Variants in PTPN3 observed in about 807,000 individuals in gnomAD.
PTPN3 encodes protein tyrosine phosphatase non-receptor type 3.
PTPN3 carries 96 observed loss-of-function variants against 132.7 expected under a neutral mutation model. The observed-to-expected ratio is 0.72, with a 90% confidence interval of 0.61 to 0.86. The LOEUF (loss-of-function observed/expected upper bound fraction) is 0.86. Among genes scored for constraint, PTPN3 ranks in the 40% least tolerant of loss-of-function variants. PTPN3 has a pLI of 0.00. For missense variants in PTPN3, 1,125 were observed against 1,159.6 expected (o/e 0.97, Z 0.43); for synonymous variants, 398 against 429.0 (o/e 0.93, Z 0.89).
chr9:109,535,269 C>G, the PTPN3 span, among the ~76,000 whole-genome samples: 10 of 152,200 alleles, frequency 6.6e-5, no homozygotes, highest in Non-Finnish European at 1.3e-4. Context: ...TGATCATTCA[C>G]TGGCCGGCAG....
rs116100943 is a variant in PTPN3, at chr9:109,482,171, C to G, written c.-18+16048G>C. 6.1e-3 allele frequency among the ~76,000 whole-genome samples: 929 copies of G among 152,326 alleles called. 11 individuals carry two copies. Among genetic ancestry groups the G allele is most frequent in the African/African-American group, 0.021 (873 of 41,568 alleles). ...ATACCATTCCAATGGGGCTGGAAGGCAGTCTGACTAAGTAATTCCATTTCT... is the reference window on the plus strand; with the variant it reads ...ATACCATTCCAATGGGGCTGGAAGGGAGTCTGACTAAGTAATTCCATTTCT... On this transcript the variant is annotated intron_variant, in intron 1 of 25. Transcript: ENST00000374541.
At chr9:109,407,120 A>G (rs183593703) in intron 17 of PTPN3, among the ~76,000 whole-genome samples, 1 of 152,368 alleles carries the variant, frequency 6.6e-6, no homozygotes, top group Non-Finnish European at 1.5e-5. Context: ...AACAGTAACA[A>G]AAGTTAAATG....
intron 22 of PTPN3, among the ~76,000 whole-genome samples, chr9:109,389,010 G>A (rs958444970): frequency 6.6e-6 from 1 of 152,224 alleles, no homozygotes; most frequent in Non-Finnish European, 1.5e-5. Flanking sequence ...GCTAGGGGAA[G>A]TGCCTTCTGG....
chr9:109,420,433 G>A lies in PTPN3; in HGVS notation c.1304C>T (p.Pro435Leu), dbSNP rs748644877. 30 of 1,592,970 alleles carry A rather than the reference G, an allele frequency of 1.9e-5. No individual in the cohort carries two copies. The highest frequency in any genetic ancestry group is 6.8e-5 in the East Asian group (3 of 44,384). ...SDSEVSQNRSPHQESLSENNP... is the reference protein window; with the variant it reads ...SDSEVSQNRSLHQESLSENNP... ...AACACGAGTTTCTTACTCTTGGTGC[G>A]GGCTTCGGTTCTGAGAAACTTCAGA... The change falls in exon 14 of 26, where the codon CCG (proline) becomes CTG (leucine). Residue 435 changes from proline (P) to leucine (L), a missense_variant. Coordinates refer to ENST00000374541, the MANE Select transcript of PTPN3 (RefSeq NM_002829.4).
intron 7 of PTPN3, among the ~76,000 whole-genome samples, chr9:109,441,631 T>C (rs1244238895): frequency 1.3e-5 from 2 of 152,238 alleles, no homozygotes; most frequent in African/African-American, 4.8e-5. Context: ...GGGAACATTC[T>C]GGAATAAACA....
intron 1 of PTPN3, among the ~76,000 whole-genome samples, chr9:109,497,847 G>A (rs1294659779): frequency 1.3e-5 from 2 of 151,686 alleles, no homozygotes; most frequent in African/African-American, 4.8e-5. Context: ...CCCGAGCCGG[G>A]GTCGCGGCGG....
chr9:109,452,262 G>A (rs578156864), intron 5 of PTPN3, among the ~76,000 whole-genome samples: 35 of 86,708 alleles, frequency 4.0e-4, no homozygotes, highest in East Asian at 1.0e-3. Context: ...AGCGAGCTCC[G>A]TCTCAAAAAA....
rs1296020936 is a variant in PTPN3 at position 109,389,308 on chromosome 9, T to C, written c.2178A>G (p.Ala726=). The change falls in exon 22 of 26, where the codon GCA becomes GCG. Residue 726 remains alanine, a synonymous_variant. Coordinates refer to ENST00000374541, the MANE Select transcript of PTPN3 (RefSeq NM_002829.4). ...GATCCCAGACAACCTGCCAAAACTGTGCACAGGTATGCGGCAGGGGCCCCT... is the reference window on the plus strand; with the variant it reads ...GATCCCAGACAACCTGCCAAAACTGCGCACAGGTATGCGGCAGGGGCCCCT... ...ATQGPLPHTC[A]QFWQVVWDQK... is the part of the protein sequence containing the mutation. 6.2e-7 allele frequency: 1 copy of C among 1,614,190 alleles called. No individual in the cohort carries two copies. Among genetic ancestry groups the C allele is most frequent in the Non-Finnish European group, 8.5e-7 (1 of 1,180,016 alleles).
chr9:109,450,902 A>C, intron 5 of PTPN3: 1 of 985,422 alleles, frequency 1.0e-6, no homozygotes, highest in African/African-American at 1.7e-5. Flanking sequence ...TACCACCTCT[A>C]TACATCTTCT....
intron 7 of PTPN3, among the ~76,000 whole-genome samples, chr9:109,442,671 C>A (rs1201633844): frequency 6.6e-6 from 1 of 152,248 alleles, no homozygotes; most frequent in Non-Finnish European, 1.5e-5. Flanking sequence ...TCTGGGCAGA[C>A]ATGAAAATAC....
the PTPN3 span, among the ~76,000 whole-genome samples, chr9:109,519,347 T>C: frequency 6.6e-6 from 1 of 152,218 alleles, no homozygotes; most frequent in Non-Finnish European, 1.5e-5. Flanking sequence ...CTAATGTAAG[T>C]GTTTCAAGCA....
chr9:109,435,668 A>G (rs906645937), intron 9 of PTPN3, among the ~76,000 whole-genome samples: 1 of 152,202 alleles, frequency 6.6e-6, no homozygotes, highest in African/African-American at 2.4e-5. Flanking sequence ...CTGGCCTCAC[A>G]GCCCTTGAGG....
chr9:109,422,982 T>C, intron 12 of PTPN3, 130 bp from the exon 13 acceptor site: 1 of 1,160,120 alleles, frequency 8.6e-7, no homozygotes, highest in Non-Finnish European at 1.2e-6. Context: ...TTATGGGGAG[T>C]AGAGGGAGAC....
At chr9:109,405,142 T>C (rs1841457637) in intron 18 of PTPN3, among the ~76,000 whole-genome samples, 1 of 152,208 alleles carries the variant, frequency 6.6e-6, no homozygotes, top group African/African-American at 2.4e-5. Flanking sequence ...ATCTCTTCTG[T>C]GCTTCAGCCT....
intron 23 of PTPN3, chr9:109,383,163 A>G: frequency 1.9e-6 from 1 of 535,416 alleles, no homozygotes; most frequent in South Asian, 2.0e-5. Context: ...GCTGAATCAT[A>G]TTCCATTGTA....
At chr9:109,497,972 G>C (rs1847753224) in intron 1 of PTPN3, among the ~76,000 whole-genome samples, 1 of 144,744 alleles carries the variant, frequency 6.9e-6, no homozygotes, top group South Asian at 2.1e-4. Flanking sequence ...AGCCCGCCCC[G>C]GCCGAGCCCC....
chr9:109,381,446 G>C (rs1365755452), intron 25 of PTPN3, among the ~76,000 whole-genome samples: 1 of 152,224 alleles, frequency 6.6e-6, no homozygotes, highest in Admixed American at 6.5e-5. Flanking sequence ...TGACAGACGG[G>C]CTGGCAGGAA....
chr9:109,465,655 G>C (rs1846062986), intron 1 of PTPN3, among the ~76,000 whole-genome samples: 1 of 137,318 alleles, frequency 7.3e-6, no homozygotes. Context: ...GCTGCAGTGA[G>C]CTGAGATCTC....
chr9:109,460,081 C>G (rs1845766796), intron 2 of PTPN3, among the ~76,000 whole-genome samples: 1 of 152,098 alleles, frequency 6.6e-6, no homozygotes. Context: ...ACAGGCCTCT[C>G]CCCCACAATA....
Sources: gnomAD v4.1 joint callset for allele counts (sites outside exome capture counted in the v4.1 genomes callset) on GRCh38, gnomAD v4.1.1 for gene constraint, MANE v1.5 for transcripts, NCBI Gene and HGNC (gene_info 2026-07-23, HGNC 2026-07-21) for gene names.